Variants in DCTD observed in about 807,000 individuals in gnomAD.
The protein encoded by DCTD is deoxycytidylate deaminase.
Under a neutral mutation model 21.0 loss-of-function variants are expected in DCTD, and 23 were observed. The observed-to-expected ratio is 1.09, with a 90% CI of 0.79 to 1.55. The LOEUF (loss-of-function observed/expected upper bound fraction) is 1.55. Among genes scored for constraint, DCTD ranks in the 40% most tolerant of loss-of-function variants. The probability of loss-of-function intolerance (pLI) is 0.00; values close to 1 mark genes in which losing one functional copy is unlikely to be tolerated. For missense variants in DCTD, 224 were observed against 230.0 expected (o/e 0.97, Z 0.17); for synonymous variants, 71 against 81.1 (o/e 0.88, Z 0.67).
intron 3 of DCTD, among the ~76,000 whole-genome samples, chr4:182,912,620 C>T (rs1476422840): frequency 6.6e-6 from 1 of 152,122 alleles, no homozygotes; most frequent in Admixed American, 6.5e-5. Flanking sequence ...TAAAAAAATT[C>T]CTTCTAGAAA....
chr4:182,916,945 G>A, intron 1 of DCTD: 2 of 998,410 alleles, frequency 2.0e-6, no homozygotes, highest in Non-Finnish European at 1.2e-6. Flanking sequence ...CACGCCGCTC[G>A]CAACCCCGTC....
At chr4:182,915,697 A>T in intron 1 of DCTD, 122 bp from the exon 2 acceptor site, 1 of 807,328 alleles carries the variant, frequency 1.2e-6, no homozygotes, top group Non-Finnish European at 2.0e-6. Context: ...AGCTACATTT[A>T]TCAATCAGAA....
chr4:182,905,422 A>G (rs1020398971), intron 3 of DCTD, among the ~76,000 whole-genome samples: 8 of 146,360 alleles, frequency 5.5e-5, no homozygotes, highest in Non-Finnish European at 8.9e-5. Context: ...TCCGCCTCCC[A>G]GTTTCAAGCA....
chr4:182,891,629 T>C, intron 5 of DCTD, 152 bp from the exon 6 acceptor site: 1 of 607,524 alleles, frequency 1.6e-6, no homozygotes, highest in South Asian at 2.0e-5. Context: ...TAGTGCACCA[T>C]ACCAAGAGAA....
chr4:182,903,103 C>T (rs1736038577), intron 3 of DCTD, among the ~76,000 whole-genome samples: 1 of 152,156 alleles, frequency 6.6e-6, no homozygotes, highest in South Asian at 2.1e-4. Context: ...CTCACAGGGT[C>T]ACACGAACAG....
chr4:182,917,128 G>A lies in DCTD; in HGVS notation c.-8+183C>T. On this transcript the variant is annotated intron_variant, in intron 1 of 5. Coordinates refer to ENST00000438320, the MANE Select transcript of DCTD (RefSeq NM_001921.3). The surrounding 1 kb of genome is among the most constrained non-coding windows in gnomAD (Gnocchi z 4.9). ...CCTGGAGTGACTGCGGGGACCCCGA[G>A]CGCCCCCACCCCGCCCGCATTCTCC... 1.0e-6 allele frequency: 1 copy of A among 987,634 alleles called. No individual in the cohort carries two copies. The highest frequency in any genetic ancestry group is 6.1e-5 in the Admixed American group (1 of 16,358). 61.2% of individuals were successfully genotyped at this position (987,634 alleles called of 1,614,324 possible). A position where few individuals can be genotyped will look rare whatever the true frequency, so the allele number is the denominator to read the frequency against.
At chr4:182,894,807 G>A (rs984684004) in intron 3 of DCTD, among the ~76,000 whole-genome samples, 1 of 152,246 alleles carries the variant, frequency 6.6e-6, no homozygotes, top group African/African-American at 2.4e-5. Context: ...GAGGCCTGAA[G>A]GCACCTAGAG....
Position 182,904,474 on chromosome 4 carries a change from G to A in DCTD, c.245-9869C>T, listed in dbSNP as rs139351864. 6.0e-4 allele frequency among the ~76,000 whole-genome samples: 91 copies of A among 152,290 alleles called. 1 individual carries two copies. In the Middle Eastern group the frequency reaches 0.02, roughly 34 times the overall value. ...AAAGCCTCCTTTGTGTGTTAATAGC[G>A]TTTAGAGGGGAACCGGGCCTGAGCA... On this transcript the variant is annotated intron_variant, in intron 3 of 5. Coordinates refer to ENST00000438320, the MANE Select transcript of DCTD (RefSeq NM_001921.3).
At chr4:182,917,397 C>A (rs1423437894), upstream of DCTD, 2 of 1,050,970 alleles carry the variant, frequency 1.9e-6, no homozygotes, top group Non-Finnish European at 2.3e-6. This position sits in a 1 kb window ranked among gnomAD's most constrained non-coding sequence, Gnocchi z 4.9. Flanking sequence ...GAGGCGGGGC[C>A]GCCGCGGGGC....
At chr4:182,907,372 G>A (rs1383353195) in intron 3 of DCTD, among the ~76,000 whole-genome samples, 1 of 152,082 alleles carries the variant, frequency 6.6e-6, no homozygotes, top group African/African-American at 2.4e-5. Context: ...TCTTGAACTC[G>A]AACGATCCAC....
chr4:182,916,780 G>A (rs1579800298), intron 1 of DCTD: 1 of 1,127,882 alleles, frequency 8.9e-7, no homozygotes, highest in South Asian at 1.8e-5. Flanking sequence ...GGAGAGGGAA[G>A]GGTCCTGTTA....
chr4:182,899,399 C>CTTTTTTTTTTTTTTTTTTTTTTTTTT (rs548073020), intron 3 of DCTD, among the ~76,000 whole-genome samples: 7 of 144,328 alleles, frequency 4.9e-5, no homozygotes, highest in African/African-American at 7.9e-5. Flanking sequence ...CCTTTTTTTT[C>CTTTTTTTTTTTTTTTTTTTTTTTTTT]TTTTTCTTTT....
chr4:182,917,051 A>G lies in DCTD; in HGVS notation c.-8+260T>C. ...GACGCCCAGCACCACCTCCCGGGGC[A>G]CTCCAAGGGGCCCGGCCTCGCACAG... is the stretch of plus-strand genomic sequence containing the variant. On this transcript the variant is annotated intron_variant, in intron 1 of 5. Coordinates refer to ENST00000438320, the MANE Select transcript of DCTD (RefSeq NM_001921.3). The surrounding 1 kb of genome is among the most constrained non-coding windows in gnomAD (Gnocchi z 4.9). 2.0e-6 allele frequency: 2 copies of G among 986,676 alleles called. No individual in the cohort carries two copies. The highest frequency in any genetic ancestry group is 2.4e-6 in the Non-Finnish European group (2 of 831,294). 61.1% of individuals were successfully genotyped at this position (986,676 alleles called of 1,614,324 possible).
At position 182,917,244 on chromosome 4, in the gene DCTD, G is replaced by C; in HGVS notation, c.-8+67C>G. ...CCAGCGCCCCGCGCCACGCGCTCGG[G>C]ACGGTGCCACGCGGCGGTGGCTAGG... is the stretch of plus-strand genomic sequence containing the variant. On this transcript the variant is annotated intron_variant, in intron 1 of 5. Transcript: ENST00000438320. The surrounding 1 kb of genome is among the most constrained non-coding windows in gnomAD (Gnocchi z 4.9). The C allele has an allele frequency of 5.0e-6, 5 of 1,007,518 alleles. No homozygotes were observed. Among genetic ancestry groups the C allele is most frequent in the Non-Finnish European group, 5.9e-6 (5 of 845,784 alleles). The allele number at this position is 1,007,518 out of a possible 1,614,324, so 62.4% of individuals were successfully genotyped here.
In DCTD at chr4:182,891,369, C is replaced by G; in HGVS notation, c.*30G>C. On this transcript the variant is annotated 3_prime_UTR_variant, in exon 6 of 6. Transcript: ENST00000438320. ...GCAACCTCTTAGAAGACGATAATCC[C>G]AATCTTCTGGAGATTGAATGAGATG... The G allele has an allele frequency of 6.7e-7, 1 of 1,499,252 alleles. No homozygotes were observed. The highest frequency in any genetic ancestry group is 1.1e-5 in the South Asian group (1 of 88,546). The allele number at this position is 1,499,252 out of a possible 1,614,324, so 92.9% of individuals were successfully genotyped here. A position where few individuals can be genotyped will look rare whatever the true frequency, so the allele number is the denominator to read the frequency against.
rs1280575072 is a variant in DCTD at position 182,908,231 on chromosome 4, T to C, written c.244+6692A>G. Among the ~76,000 whole-genome samples, 3 of 152,160 alleles carry C rather than the reference T, an allele frequency of 2.0e-5. No homozygotes were observed. In the East Asian group the frequency reaches 5.8e-4, roughly 29 times the overall value. On this transcript the variant is annotated intron_variant, in intron 3 of 5. Coordinates refer to ENST00000438320, the MANE Select transcript of DCTD (RefSeq NM_001921.3). ...AAAAACTCAAAATACAATAAAGCTT[T>C]AGTCATTTCAGCCAATTTCAGAGAA...
At chr4:182,911,328 G>C (rs1469929146) in intron 3 of DCTD, 2 of 152,144 alleles carry the variant, frequency 1.3e-5, no homozygotes, top group Admixed American at 6.6e-5. Flanking sequence ...TTGGAATTAG[G>C]GTTTCAACAT....
At chr4:182,898,341 C>A (rs1410077131) in intron 3 of DCTD, among the ~76,000 whole-genome samples, 1 of 152,222 alleles carries the variant, frequency 6.6e-6, no homozygotes, top group East Asian at 1.9e-4. Flanking sequence ...GCTCAAGGTC[C>A]AATTTGCTGC....
chr4:182,917,381 G>A lies in DCTD; in HGVS notation c.-78C>T, dbSNP rs1207123746. The A allele has an allele frequency of 3.7e-6, 4 of 1,089,346 alleles. No individual in the cohort carries two copies. Among genetic ancestry groups the A allele is most frequent in the Middle Eastern group, 4.0e-4 (1 of 2,516 alleles). The allele number at this position is 1,089,346 out of a possible 1,614,324, so 67.5% of individuals were successfully genotyped here. ...CCGCCGTGCTCAGGGAAGGAAGTCG[G>A]GGGAGGAGGCGGGGCCGCCGCGGGG... On this transcript the variant is annotated 5_prime_UTR_variant, in exon 1 of 6. Transcript: ENST00000438320. This position sits in a 1 kb window ranked among gnomAD's most constrained non-coding sequence, Gnocchi z 4.9.
Sources: allele counts gnomAD v4.1 joint callset (sites outside exome capture counted in the v4.1 genomes callset), GRCh38; gene constraint gnomAD v4.1.1; non-coding constraint Gnocchi (gnomAD v3.1); transcripts MANE v1.5; gene names NCBI Gene and HGNC (gene_info 2026-07-23, HGNC 2026-07-21).